KCNIP4: variants seen among roughly 807,000 people sequenced by gnomAD.
KCNIP4 encodes the protein potassium voltage-gated channel interacting protein 4, also known as Kv channel-interacting protein 4.
In KCNIP4, 12 loss-of-function variants were observed where a neutral mutation model predicts 34.0. That is an observed-to-expected ratio of 0.35 (90% CI 0.23 to 0.57). The LOEUF (loss-of-function observed/expected upper bound fraction) is 0.57, where lower values mean the gene tolerates loss of function less well. KCNIP4 is among the 20% of genes least tolerant of loss of function. The probability of loss-of-function intolerance (pLI) is 0.83; values close to 1 mark genes in which losing one functional copy is unlikely to be tolerated. For missense variants in KCNIP4, 238 were observed against 311.7 expected, an observed-to-expected ratio of 0.76 and a Z score of 1.78; for synonymous variants, 124 against 102.2, an observed-to-expected ratio of 1.21 and a Z score of -1.29.
At chr4:20,986,772 C>T (rs1736616886) in intron 1 of KCNIP4, among the ~76,000 whole-genome samples, 1 of 152,138 alleles carries the variant, frequency 6.6e-6, no homozygotes, top group Non-Finnish European at 1.5e-5. Flanking sequence ...ATTGAAATTC[C>T]TATCTTTTTT....
rs139753476 is a variant in KCNIP4, at chr4:21,896,354, C to T, written c.61+52217G>A. ...GTACTATCAGCCCTGGTTTTAGAGA[C>T]TACAGAAGGACAAAGTATATGTAAA... On this transcript the variant is annotated intron_variant, in intron 1 of 8. Transcript: ENST00000382152. Among the ~76,000 whole-genome samples, 100 of 152,216 alleles carry T rather than the reference C, an allele frequency of 6.6e-4. 1 individual carries two copies. The highest frequency in any genetic ancestry group is 2.4e-3 in the African/African-American group (99 of 41,526).
chr4:21,230,766 A>G (rs1169587009), intron 1 of KCNIP4, among the ~76,000 whole-genome samples: 2 of 152,260 alleles, frequency 1.3e-5, no homozygotes, highest in Middle Eastern at 3.4e-3. Context: ...TCTATCATCT[A>G]TGGACATTTG....
intron 1 of KCNIP4, among the ~76,000 whole-genome samples, chr4:21,918,719 A>T (rs181893433): frequency 6.6e-6 from 1 of 152,330 alleles, no homozygotes; most frequent in African/African-American, 2.4e-5. Flanking sequence ...AGCTAAAAAA[A>T]ATAAGAAACC....
Position 21,290,524 on chromosome 4 carries a change from G to T in KCNIP4, c.62-407815C>A, listed in dbSNP as rs542342873. Among the ~76,000 whole-genome samples, 22 of 152,168 alleles carry T rather than the reference G, an allele frequency of 1.4e-4. 1 individual carries two copies. Among genetic ancestry groups the T allele is most frequent in the Admixed American group, 1.4e-3 (21 of 15,278 alleles). On this transcript the variant is annotated intron_variant, in intron 1 of 8. Coordinates refer to ENST00000382152, the MANE Select transcript of KCNIP4 (RefSeq NM_025221.6). ...ACTTTTTTAATGAGATCATTATTTT[G>T]CATACTGTTTTGAAACTTGTTCTTT...
chr4:21,701,268 G>T (rs554955925), intron 1 of KCNIP4, among the ~76,000 whole-genome samples: 5 of 152,252 alleles, frequency 3.3e-5, no homozygotes, highest in African/African-American at 1.2e-4. Context: ...AGGGCTGATG[G>T]AAAAAGTAAA....
chr4:21,556,827 A>T (rs372229295), intron 1 of KCNIP4, among the ~76,000 whole-genome samples: 4 of 148,926 alleles, frequency 2.7e-5, no homozygotes, highest in African/African-American at 9.9e-5. Flanking sequence ...AGGCTGAGGC[A>T]GGAAAATCAC....
At chr4:21,365,996 A>C (rs1320532908) in intron 1 of KCNIP4, among the ~76,000 whole-genome samples, 1 of 152,236 alleles carries the variant, frequency 6.6e-6, no homozygotes, top group African/African-American at 2.4e-5. Context: ...GGTGTGAACT[A>C]TGTGGCCATG....
intron 1 of KCNIP4, among the ~76,000 whole-genome samples, chr4:21,176,562 A>T (rs897202916): frequency 7.9e-5 from 12 of 152,106 alleles, no homozygotes; most frequent in Non-Finnish European, 1.8e-4. Flanking sequence ...CTTATTGCCC[A>T]GGCTAGATAG....
intron 1 of KCNIP4, among the ~76,000 whole-genome samples, chr4:21,873,724 C>G (rs1220936295): frequency 6.6e-6 from 1 of 152,144 alleles, no homozygotes; most frequent in Non-Finnish European, 1.5e-5. Flanking sequence ...TTGAAAGCAT[C>G]CCGGTTACAA....
rs1396194006 is a variant in KCNIP4 at position 20,734,700 on chromosome 4, C to T, written c.465G>A (p.Gly155=). 1.9e-6 allele frequency: 3 copies of T among 1,594,218 alleles called. No individual in the cohort carries two copies. Among genetic ancestry groups the T allele is most frequent in the East Asian group, 4.5e-5 (2 of 44,356 alleles). The change falls in exon 6 of 9, where the codon GGG becomes GGA. Residue 155 remains glycine, a synonymous_variant. Transcript: ENST00000382152. ...CCCAATTGAGTTTTTCTTGTACTGT[C>T]CCCCGGAGCAAAATGGAAAGACCTT... ...FIKGLSILLR[G]TVQEKLNWAF... is the part of the protein sequence containing the mutation.
intron 8 of KCNIP4, 58 bp downstream of exon 8, chr4:20,731,948 T>TACTC (rs1748372080): frequency 6.2e-7 from 1 of 1,603,828 alleles, no homozygotes; most frequent in African/African-American, 1.3e-5. Flanking sequence ...TAGCTGCTAA[T>TACTC]ACTCAGTTTA....
rs542298872 is a variant in KCNIP4, at chr4:21,663,173, C to A, written c.61+285398G>T. The stretch of plus-strand genomic sequence containing the variant: ...CTTATCGATAATGGTTTCTAACTTA[C>A]TAATATTCTTGATTCTTTTGAGAAA... On this transcript the variant is annotated intron_variant, in intron 1 of 8. Coordinates refer to ENST00000382152, the MANE Select transcript of KCNIP4 (RefSeq NM_025221.6). Among the ~76,000 whole-genome samples, 146 of 152,232 alleles carry A rather than the reference C, an allele frequency of 9.6e-4. 4 individuals carry two copies. In the South Asian group the frequency reaches 0.024, roughly 25 times the overall value.
intron 1 of KCNIP4, among the ~76,000 whole-genome samples, chr4:21,132,855 A>AAG (rs2109178825): frequency 2.6e-5 from 1 of 38,418 alleles, no homozygotes; most frequent in South Asian, 6.3e-4. Context: ...CTAAACGACA[A>AAG]AAAAAAAAAA....
chr4:20,842,672 T>A (rs1719898685), intron 3 of KCNIP4, among the ~76,000 whole-genome samples: 2 of 150,530 alleles, frequency 1.3e-5, no homozygotes, highest in African/African-American at 4.9e-5. Context: ...AAAGACCTTT[T>A]CAGCTGCACA....
intron 1 of KCNIP4, among the ~76,000 whole-genome samples, chr4:21,132,142 G>A (rs1477298226): frequency 6.6e-6 from 1 of 152,184 alleles, no homozygotes; most frequent in Non-Finnish European, 1.5e-5. Context: ...TGTTGCCCTT[G>A]TTTCAGAATC....
chr4:21,243,989 C>T (rs922750748), intron 1 of KCNIP4, among the ~76,000 whole-genome samples: 2 of 152,152 alleles, frequency 1.3e-5, no homozygotes, highest in Non-Finnish European at 2.9e-5. Context: ...TTGTAGCAAA[C>T]ATGGATAAAT....
chr4:21,870,464 G>C (rs547709424), intron 1 of KCNIP4, among the ~76,000 whole-genome samples: 15 of 152,278 alleles, frequency 9.9e-5, no homozygotes, highest in Middle Eastern at 3.4e-3. Flanking sequence ...CCTAGGTGGA[G>C]ATTTTATATG....
chr4:21,188,958 A>G (rs1338580102), intron 1 of KCNIP4, among the ~76,000 whole-genome samples: 6 of 152,192 alleles, frequency 3.9e-5, no homozygotes, highest in Non-Finnish European at 8.8e-5. Flanking sequence ...ACAGCTGTAG[A>G]GTTAGAAAGT....
chr4:20,897,120 A>G (rs1015058089), intron 1 of KCNIP4, among the ~76,000 whole-genome samples: 3 of 151,666 alleles, frequency 2.0e-5, no homozygotes, highest in Admixed American at 2.0e-4. Context: ...AATATTGTCC[A>G]GTTTTTGTTT....
Sources: gnomAD v4.1 joint callset for allele counts (sites outside exome capture counted in the v4.1 genomes callset) on GRCh38, gnomAD v4.1.1 for gene constraint, MANE v1.5 for transcripts, NCBI Gene and HGNC (gene_info 2026-07-23, HGNC 2026-07-21) for gene names.